Variants in VSTM2B observed in about 807,000 individuals in gnomAD.
VSTM2B encodes V-set and transmembrane domain containing 2B.
Under a neutral mutation model 24.0 loss-of-function variants are expected in VSTM2B, and 24 were observed. The ratio of observed to expected loss-of-function variants is 1.00; its 90% CI spans 0.72 to 1.40. The LOEUF (loss-of-function observed/expected upper bound fraction) is 1.40, where lower values mean the gene tolerates loss of function less well. Among genes scored for constraint, VSTM2B ranks in the 40% most tolerant of loss-of-function variants. VSTM2B has a pLI of 0.00. For synonymous variants in VSTM2B, 226 were observed against 194.4 expected (o/e 1.16, Z -1.35); for missense variants, 399 against 416.4 (o/e 0.96, Z 0.36).
At chr19:29,540,200 C>T (rs895176625) in intron 4 of VSTM2B, among the ~76,000 whole-genome samples, 2 of 152,242 alleles carry the variant, frequency 1.3e-5, no homozygotes, top group Non-Finnish European at 2.9e-5. Context: ...TCCTGGTCTG[C>T]TGTATCTGGT....
chr19:29,535,511 C>T (rs530095050), intron 4 of VSTM2B, among the ~76,000 whole-genome samples: 4 of 152,006 alleles, frequency 2.6e-5, no homozygotes, highest in African/African-American at 4.8e-5. Context: ...GGTGCCCACA[C>T]GGAGAACTGG....
chr19:29,527,131 A>G, intron 1 of VSTM2B, 80 bp from the exon 2 acceptor site: 2 of 1,291,856 alleles, frequency 1.5e-6, no homozygotes, highest in Non-Finnish European at 2.1e-6. Flanking sequence ...AGCCAGCCAG[A>G]GACCGACTGC....
intron 4 of VSTM2B, among the ~76,000 whole-genome samples, chr19:29,546,681 C>CG (rs71171737): frequency 5.6e-4 from 84 of 151,162 alleles, no homozygotes; most frequent in Middle Eastern, 3.4e-3. Flanking sequence ...CCCCCACCCC[C>CG]ACCCCGGTGC....
At chr19:29,557,314 G>A (rs1970432096) in intron 4 of VSTM2B, among the ~76,000 whole-genome samples, 1 of 152,194 alleles carries the variant, frequency 6.6e-6, no homozygotes, top group African/African-American at 2.4e-5. Context: ...TTAATAAATG[G>A]TGCTGGGAAA....
chr19:29,528,463 G>T lies in VSTM2B; in HGVS notation c.297+1G>T, dbSNP rs775172701. ...AAATAAGGATGCAACTAAAATCAGCGTAAGTGTGGAGCCCAGCGCGGGCCG... is the reference window on the plus strand; with the variant it reads ...AAATAAGGATGCAACTAAAATCAGCTTAAGTGTGGAGCCCAGCGCGGGCCG... On this transcript the variant is annotated splice_donor_variant, in intron 3 of 4. Transcript: ENST00000335523. LOFTEE classifies it high-confidence loss of function. 1.7e-5 allele frequency: 27 copies of T among 1,550,996 alleles called. No homozygotes were observed. The highest frequency in any genetic ancestry group is 2.4e-5 in the East Asian group (1 of 40,922).
intron 4 of VSTM2B, among the ~76,000 whole-genome samples, chr19:29,562,720 C>G (rs1344817866): frequency 6.6e-6 from 1 of 152,220 alleles, no homozygotes; most frequent in African/African-American, 2.4e-5. Context: ...ATCCCACTTT[C>G]CAGGTGAGAA....
At position 29,541,013 on chromosome 19, in the gene VSTM2B, G is replaced by A. The variant is rs559959099; in HGVS notation, c.769+10723G>A. On this transcript the variant is annotated intron_variant, in intron 4 of 4. Transcript: ENST00000335523. ...AGGGACTCACATGTGCAAAGGTCCTGCGGCAAGAGGGATCTGGGGAAATGC... is the reference window on the plus strand; with the variant it reads ...AGGGACTCACATGTGCAAAGGTCCTACGGCAAGAGGGATCTGGGGAAATGC... Among the ~76,000 whole-genome samples the A allele has an allele frequency of 2.6e-5, 4 of 152,316 alleles. No homozygotes were observed. In the South Asian group the frequency reaches 8.3e-4, roughly 32 times the overall value.
chr19:29,527,931 C>G (rs1251822882), intron 2 of VSTM2B, among the ~76,000 whole-genome samples: 2 of 152,206 alleles, frequency 1.3e-5, no homozygotes, highest in Non-Finnish European at 2.9e-5. Flanking sequence ...CTTACACACT[C>G]TAGTGTGCTC....
rs140569923 is a variant in VSTM2B at position 29,561,041 on chromosome 19, A to G, written c.770-2805A>G. Among the ~76,000 whole-genome samples, 380 of 152,242 alleles carry G rather than the reference A, an allele frequency of 2.5e-3. 14 individuals carry two copies. In the East Asian group the frequency reaches 0.061, roughly 25 times the overall value. Reference sequence around the variant, plus strand: ...AGATCAGAGCCAGGGGCCAGGCACAATGGCTCATACCTGTAATCCCAGCAC... The same window carrying G: ...AGATCAGAGCCAGGGGCCAGGCACAGTGGCTCATACCTGTAATCCCAGCAC... On this transcript the variant is annotated intron_variant, in intron 4 of 4. Transcript: ENST00000335523.
intron 4 of VSTM2B, among the ~76,000 whole-genome samples, chr19:29,544,517 C>G (rs1282282889): frequency 2.3e-5 from 2 of 86,702 alleles, no homozygotes; most frequent in African/African-American, 1.0e-4. Flanking sequence ...AAGAGCGAGA[C>G]TCTGTCTCAA....
At chr19:29,545,801 T>C (rs1230804803) in intron 4 of VSTM2B, among the ~76,000 whole-genome samples, 1 of 152,052 alleles carries the variant, frequency 6.6e-6, no homozygotes, top group Non-Finnish European at 1.5e-5. Context: ...AACATACAGG[T>C]GCAGGTGTCT....
intron 4 of VSTM2B, among the ~76,000 whole-genome samples, chr19:29,544,555 A>T (rs1406267308): frequency 7.1e-6 from 1 of 140,476 alleles, no homozygotes; most frequent in Non-Finnish European, 1.6e-5. Flanking sequence ...AAAAAAAAAA[A>T]ACTGAATGTG....
chr19:29,531,311 A>G (rs1327819180), intron 4 of VSTM2B, among the ~76,000 whole-genome samples: 1 of 152,214 alleles, frequency 6.6e-6, no homozygotes, highest in African/African-American at 2.4e-5. Context: ...TCTCCTGGCC[A>G]CATGGCCCTG....
intron 4 of VSTM2B, among the ~76,000 whole-genome samples, chr19:29,531,863 G>A (rs528446964): frequency 1.3e-5 from 2 of 152,338 alleles, no homozygotes; most frequent in South Asian, 4.1e-4. Context: ...AGTGCCCCAG[G>A]GCATGTGGCG....
At chr19:29,555,509 A>G (rs1405826674) in intron 4 of VSTM2B, among the ~76,000 whole-genome samples, 3 of 152,206 alleles carry the variant, frequency 2.0e-5, no homozygotes, top group Non-Finnish European at 4.4e-5. Context: ...GAGAACCAAG[A>G]GAAAACAAAC....
chr19:29,533,148 G>A (rs1969799520), intron 4 of VSTM2B, among the ~76,000 whole-genome samples: 1 of 152,132 alleles, frequency 6.6e-6, no homozygotes, highest in Non-Finnish European at 1.5e-5. Context: ...AGATATGGAG[G>A]TCCTCAGGTC....
At chr19:29,562,507 G>C (rs1443657410) in intron 4 of VSTM2B, among the ~76,000 whole-genome samples, 3 of 152,192 alleles carry the variant, frequency 2.0e-5, no homozygotes, top group Non-Finnish European at 2.9e-5. Flanking sequence ...TCACAGGCAC[G>C]GGGCTGCAGC....
chr19:29,530,370 G>A, intron 4 of VSTM2B, 80 bp downstream of exon 4: 4 of 1,264,624 alleles, frequency 3.2e-6, no homozygotes, highest in Middle Eastern at 2.8e-4. Flanking sequence ...GGGGGGCTCC[G>A]GACCCAGGAC....
rs1009920384 is a variant in VSTM2B, at chr19:29,564,001, A to G, written c.*67A>G. The stretch of plus-strand genomic sequence containing the variant: ...CTGCCCGGGGCCCTCGGTGAGGACC[A>G]TGTCGCTGGATGGACACAGAGAGAC... On this transcript the variant is annotated 3_prime_UTR_variant, in exon 5 of 5. Coordinates refer to ENST00000335523, the MANE Select transcript of VSTM2B (RefSeq NM_001146339.2). 8.4e-7 allele frequency: 1 copy of G among 1,186,684 alleles called. No individual in the cohort carries two copies. Among genetic ancestry groups the G allele is most frequent in the Non-Finnish European group, 1.2e-6 (1 of 814,768 alleles). The allele number at this position is 1,186,684 out of a possible 1,614,324, so 73.5% of individuals were successfully genotyped here.
Sources: gnomAD v4.1 joint callset for allele counts (sites outside exome capture counted in the v4.1 genomes callset) on GRCh38, gnomAD v4.1.1 for gene constraint, MANE v1.5 for transcripts, NCBI Gene and HGNC (gene_info 2026-07-23, HGNC 2026-07-21) for gene names.